EVA1C: variants seen among roughly 807,000 people sequenced by gnomAD.
EVA1C encodes the protein eva-1 homolog C.
In EVA1C, 25 loss-of-function variants were observed where a neutral mutation model predicts 45.4. That is an observed-to-expected ratio of 0.55 (90% CI 0.40 to 0.77). The LOEUF is 0.77. Ranked by LOEUF, EVA1C falls within the 30% of genes least tolerant of loss-of-function variation. EVA1C has a pLI of 0.00. For missense variants in EVA1C, 479 were observed against 554.8 expected (o/e 0.86, Z 1.37); for synonymous variants, 190 against 221.2 (o/e 0.86, Z 1.25).
chr21:32,489,462 C>T (rs2037082465), intron 4 of EVA1C, among the ~76,000 whole-genome samples: 1 of 152,148 alleles, frequency 6.6e-6, no homozygotes, highest in African/African-American at 2.4e-5. Context: ...GTCTATGTGT[C>T]TGCCTCTATG....
At chr21:32,499,590 G>A (rs1332486662) in intron 5 of EVA1C, among the ~76,000 whole-genome samples, 1 of 152,238 alleles carries the variant, frequency 6.6e-6, no homozygotes, top group African/African-American at 2.4e-5. Flanking sequence ...TAAGCCCTCT[G>A]AGAGAGGAAA....
chr21:32,422,371 T>G (rs926308631), intron 1 of EVA1C, among the ~76,000 whole-genome samples: 1 of 152,038 alleles, frequency 6.6e-6, no homozygotes, highest in Admixed American at 6.6e-5. Context: ...TGAATATACA[T>G]CTGATCAGTA....
intron 7 of EVA1C, among the ~76,000 whole-genome samples, chr21:32,512,552 C>T (rs1249886665): frequency 2.0e-5 from 3 of 152,096 alleles, no homozygotes; most frequent in Non-Finnish European, 4.4e-5. Flanking sequence ...GCCCCTCCCA[C>T]GACACCACCA....
intron 1 of EVA1C, among the ~76,000 whole-genome samples, chr21:32,423,372 C>T (rs1322340024): frequency 6.6e-6 from 1 of 152,090 alleles, no homozygotes; most frequent in African/African-American, 2.4e-5. Context: ...GAATGGGAAA[C>T]AGTCTAAAGC....
At chr21:32,462,623 A>G (rs949784433) in intron 3 of EVA1C, among the ~76,000 whole-genome samples, 3 of 152,188 alleles carry the variant, frequency 2.0e-5, no homozygotes, top group Non-Finnish European at 4.4e-5. Context: ...ACACTGTGAC[A>G]TGTTCGTGAT....
At position 32,412,706 on chromosome 21, in the gene EVA1C, G is replaced by T. The variant is rs2033866043; in HGVS notation, c.-148G>T. 1.3e-6 allele frequency: 1 copy of T among 774,596 alleles called. No homozygotes were observed. The highest frequency in any genetic ancestry group is 1.8e-6 in the Non-Finnish European group (1 of 548,978). The allele number at this position is 774,596 out of a possible 1,614,324, so 48.0% of individuals were successfully genotyped here. ...GGCGCCTGGGCTGGCCCGCGCAGGG[G>T]AGGAGGCTCTGGCAGCCTGGGCAGG... On this transcript the variant is annotated 5_prime_UTR_variant, in exon 1 of 8. Coordinates refer to ENST00000300255, the MANE Select transcript of EVA1C (RefSeq NM_058187.5).
intron 3 of EVA1C, among the ~76,000 whole-genome samples, chr21:32,462,436 A>C (rs545768094): frequency 4.3e-4 from 66 of 152,210 alleles, no homozygotes; most frequent in Non-Finnish European, 7.8e-4. Flanking sequence ...GACTATCTAC[A>C]TTTCAGCATC....
At position 32,508,037 on chromosome 21, in the gene EVA1C, G is replaced by A. The variant is rs558752623; in HGVS notation, c.949+4022G>A. On this transcript the variant is annotated intron_variant, in intron 7 of 7. Coordinates refer to ENST00000300255, the MANE Select transcript of EVA1C (RefSeq NM_058187.5). ...TGCATGTGTGTGCATGCACATGTGC[G>A]TGTGTATCTGTGTGTGTAAGTGTGT... is the stretch of plus-strand genomic sequence containing the variant. Among the ~76,000 whole-genome samples the A allele has an allele frequency of 4.6e-5, 7 of 152,230 alleles. No homozygotes were observed. In the East Asian group the frequency reaches 7.7e-4, roughly 17 times the overall value.
intron 4 of EVA1C, among the ~76,000 whole-genome samples, chr21:32,484,187 C>G (rs1319130505): frequency 6.6e-6 from 1 of 152,136 alleles, no homozygotes; most frequent in African/African-American, 2.4e-5. Flanking sequence ...CCTCCAAACC[C>G]CAGGGTTCCC....
rs189816679 is a variant in EVA1C, at chr21:32,478,951, T to A, written c.634+11103T>A. Among the ~76,000 whole-genome samples the A allele has an allele frequency of 7.7e-4, 117 of 152,362 alleles. No individual in the cohort carries two copies. In the Middle Eastern group the frequency reaches 0.01, roughly 13 times the overall value. On this transcript the variant is annotated intron_variant, in intron 4 of 7. Coordinates refer to ENST00000300255, the MANE Select transcript of EVA1C (RefSeq NM_058187.5). ...CAGCCAAAGATCGAGGTGCCAGAGGTTCCCACTGCCAAGACAGCGGCACTT... is the reference window on the plus strand; with the variant it reads ...CAGCCAAAGATCGAGGTGCCAGAGGATCCCACTGCCAAGACAGCGGCACTT...
intron 1 of EVA1C, among the ~76,000 whole-genome samples, chr21:32,446,781 C>A (rs1001583781): frequency 2.0e-5 from 3 of 152,184 alleles, no homozygotes; most frequent in Non-Finnish European, 2.9e-5. Context: ...TCCTGGCATC[C>A]TTGTTTCCAG....
intron 7 of EVA1C, among the ~76,000 whole-genome samples, 193 bp downstream of exon 7, chr21:32,504,208 A>C (rs1183738168): frequency 6.6e-6 from 1 of 152,258 alleles, no homozygotes; most frequent in Non-Finnish European, 1.5e-5. Flanking sequence ...GGCAGTCAGC[A>C]AGAGAACCAC....
chr21:32,444,091 C>CACACAA (rs1555855221), intron 1 of EVA1C, among the ~76,000 whole-genome samples: 2,594 of 146,368 alleles, frequency 0.018, 58 homozygotes, highest in South Asian at 0.071. Context: ...CACACACACA[C>CACACAA]AAACTCAAAG....
chr21:32,480,219 T>C (rs1450581843), intron 4 of EVA1C, among the ~76,000 whole-genome samples: 1 of 149,790 alleles, frequency 6.7e-6, no homozygotes, highest in Admixed American at 6.8e-5. Flanking sequence ...GAGGATCACT[T>C]GAGCCCAGGA....
intron 4 of EVA1C, among the ~76,000 whole-genome samples, chr21:32,479,297 T>C (rs1356778255): frequency 6.6e-6 from 1 of 151,870 alleles, no homozygotes; most frequent in Non-Finnish European, 1.5e-5. Context: ...GTGGCGCATG[T>C]CTGTAATCCT....
intron 1 of EVA1C, among the ~76,000 whole-genome samples, chr21:32,432,272 C>T (rs1468412541): frequency 1.3e-5 from 2 of 152,068 alleles, no homozygotes; most frequent in Non-Finnish European, 2.9e-5. Context: ...AAGGTGGGCG[C>T]AGGTTCATTG....
intron 1 of EVA1C, among the ~76,000 whole-genome samples, chr21:32,444,539 C>T (rs541248184): frequency 1.3e-5 from 2 of 152,306 alleles, no homozygotes; most frequent in African/African-American, 2.4e-5. Flanking sequence ...CTTCTGTGCC[C>T]ACCGTGGGTG....
At chr21:32,430,957 A>G (rs1419652396) in intron 1 of EVA1C, among the ~76,000 whole-genome samples, 1 of 120,930 alleles carries the variant, frequency 8.3e-6, no homozygotes, top group Admixed American at 8.3e-5. Context: ...TCGGCAACAG[A>G]GTGAGACTTG....
chr21:32,507,582 G>A (rs1197607061), intron 7 of EVA1C, among the ~76,000 whole-genome samples: 1 of 151,726 alleles, frequency 6.6e-6, no homozygotes, highest in Non-Finnish European at 1.5e-5. Context: ...ATGTGTATAT[G>A]TGTGTGCATG....
Sources: gnomAD v4.1 joint callset for allele counts (sites outside exome capture counted in the v4.1 genomes callset) on GRCh38, gnomAD v4.1.1 for gene constraint, MANE v1.5 for transcripts, NCBI Gene and HGNC (gene_info 2026-07-23, HGNC 2026-07-21) for gene names.